Variants in RALYL observed in about 807,000 individuals in gnomAD.
RALYL encodes RNA-binding Raly-like protein.
RALYL carries 29 observed loss-of-function variants against 35.1 expected under a neutral mutation model. That is an observed-to-expected ratio of 0.83 (90% confidence interval 0.61 to 1.13). The LOEUF (loss-of-function observed/expected upper bound fraction) is 1.13, where lower values mean the gene tolerates loss of function less well. Among genes scored for constraint, RALYL ranks in the 50% most tolerant of loss-of-function variants. RALYL has a pLI of 0.00. For synonymous variants in RALYL, 120 were observed against 127.6 expected (o/e 0.94, Z 0.40); for missense variants, 359 against 360.4 (o/e 1.00, Z 0.03).
At chr8:84,633,017 G>T (rs1397852549) in intron 2 of RALYL, among the ~76,000 whole-genome samples, 1 of 151,766 alleles carries the variant, frequency 6.6e-6, no homozygotes, top group Non-Finnish European at 1.5e-5. Flanking sequence ...GCAACTAACT[G>T]CAATTGGCTG....
intron 2 of RALYL, among the ~76,000 whole-genome samples, chr8:84,702,322 C>G (rs929876218): frequency 7.9e-5 from 12 of 152,148 alleles, no homozygotes; most frequent in African/African-American, 2.9e-4. Flanking sequence ...CCACTTAATT[C>G]AGCCCTAAAT....
intron 1 of RALYL, among the ~76,000 whole-genome samples, chr8:84,493,769 A>G (rs1476374496): frequency 6.6e-6 from 1 of 151,534 alleles, no homozygotes; most frequent in Non-Finnish European, 1.5e-5. Context: ...TTTCTTGTAA[A>G]TTTGTTTAAG....
rs142307548 is a variant in RALYL at position 84,549,265 on chromosome 8, A to G, written c.256+19688A>G. Among the ~76,000 whole-genome samples the G allele has an allele frequency of 2.1e-3, 319 of 152,320 alleles. 4 individuals are homozygous for G. The highest frequency in any genetic ancestry group is 7.1e-3 in the African/African-American group (297 of 41,570). On this transcript the variant is annotated intron_variant, in intron 2 of 8. Coordinates refer to ENST00000521268, the MANE Select transcript of RALYL (RefSeq NM_173848.7). ...AAAACAACAAGCCGAAATGAAGATA[A>G]CAGTCAACCCTTTAATCACTTACTG...
chr8:84,318,417 T>A (rs1042077438), intron 1 of RALYL, among the ~76,000 whole-genome samples: 1 of 152,242 alleles, frequency 6.6e-6, no homozygotes, highest in African/African-American at 2.4e-5. Flanking sequence ...GCCATGGTAA[T>A]CTTTCACTGA....
intron 2 of RALYL, among the ~76,000 whole-genome samples, chr8:84,599,374 T>G (rs1032362931): frequency 1.3e-5 from 2 of 152,010 alleles, no homozygotes; most frequent in Non-Finnish European, 2.9e-5. Context: ...CTTAAGTATA[T>G]ATATACAATT....
At position 84,386,674 on chromosome 8, in the gene RALYL, C is replaced by T. The variant is rs141067247; in HGVS notation, c.-23-142625C>T. Among the ~76,000 whole-genome samples the T allele has an allele frequency of 4.1e-3, 628 of 151,896 alleles. 6 individuals are homozygous for T. Among genetic ancestry groups the T allele is most frequent in the African/African-American group, 0.014 (592 of 41,476 alleles). On this transcript the variant is annotated intron_variant, in intron 1 of 8. Coordinates refer to ENST00000521268, the MANE Select transcript of RALYL (RefSeq NM_173848.7). ...GACCCAAGTGCTATATATTGGTTACCACACTGGCCTGCCTCTTCCTCACTT... is the reference window on the plus strand; with the variant it reads ...GACCCAAGTGCTATATATTGGTTACTACACTGGCCTGCCTCTTCCTCACTT...
At chr8:84,572,485 C>A (rs1252220) in intron 2 of RALYL, among the ~76,000 whole-genome samples, 28,539 of 151,492 alleles carry the variant, frequency 0.19, 2,941 homozygotes, top group Non-Finnish European at 0.23. Flanking sequence ...TAGGGTTGAT[C>A]TCATAGTGAT....
At chr8:84,563,260 G>T (rs1295755319) in intron 2 of RALYL, among the ~76,000 whole-genome samples, 1 of 151,726 alleles carries the variant, frequency 6.6e-6, no homozygotes, top group Non-Finnish European at 1.5e-5. Flanking sequence ...ATAGCATCTT[G>T]GGTTGATTCT....
intron 1 of RALYL, among the ~76,000 whole-genome samples, chr8:84,514,090 T>TAAAAAAAA (rs57881021): frequency 2.0e-3 from 82 of 40,916 alleles, no homozygotes; most frequent in South Asian, 3.7e-3. Context: ...AGATTTCATC[T>TAAAAAAAA]AAAAAAAAAA....
At chr8:84,272,424 C>T (rs1834502706) in intron 1 of RALYL, among the ~76,000 whole-genome samples, 1 of 152,076 alleles carries the variant, frequency 6.6e-6, no homozygotes, top group African/African-American at 2.4e-5. Context: ...GAAAGAGAGA[C>T]ATTGAAAGGA....
chr8:84,512,382 C>G (rs1221402375), intron 1 of RALYL, among the ~76,000 whole-genome samples: 2 of 151,926 alleles, frequency 1.3e-5, no homozygotes, highest in African/African-American at 2.4e-5. Flanking sequence ...GATCCTTTCC[C>G]TTTTAATGTG....
intron 1 of RALYL, among the ~76,000 whole-genome samples, chr8:84,283,903 G>C (rs12675795): frequency 0.036 from 5,495 of 152,032 alleles, 124 homozygotes; most frequent in East Asian, 0.12. Context: ...ACATATCCTA[G>C]TGGAATTATA....
intron 2 of RALYL, among the ~76,000 whole-genome samples, chr8:84,590,812 A>G (rs1813076199): frequency 6.6e-6 from 1 of 152,186 alleles, no homozygotes; most frequent in Non-Finnish European, 1.5e-5. Context: ...ACCTGGAAGT[A>G]ATGATTATAT....
chr8:84,265,798 T>C (rs977621554), intron 1 of RALYL, among the ~76,000 whole-genome samples: 1 of 152,196 alleles, frequency 6.6e-6, no homozygotes, highest in African/African-American at 2.4e-5. Context: ...ACCTAATCGT[T>C]CCTGAATCTG....
intron 2 of RALYL, among the ~76,000 whole-genome samples, chr8:84,614,961 G>C (rs985274718): frequency 1.3e-5 from 2 of 151,506 alleles, no homozygotes. Flanking sequence ...ACCTGCCCTT[G>C]AGGAATGATG....
intron 4 of RALYL, among the ~76,000 whole-genome samples, chr8:84,809,894 A>G (rs1325789866): frequency 6.6e-6 from 1 of 151,984 alleles, no homozygotes; most frequent in Non-Finnish European, 1.5e-5. Context: ...TAATTTTGCT[A>G]ATGGTCTATC....
intron 1 of RALYL, among the ~76,000 whole-genome samples, chr8:84,400,564 G>T (rs901584720): frequency 6.6e-6 from 1 of 152,188 alleles, no homozygotes; most frequent in Non-Finnish European, 1.5e-5. Flanking sequence ...ATGAATATGA[G>T]AGTGATGGTG....
chr8:84,289,048 A>G (rs1838240155), intron 1 of RALYL, among the ~76,000 whole-genome samples: 1 of 152,134 alleles, frequency 6.6e-6, no homozygotes, highest in African/African-American at 2.4e-5. Context: ...ACCAGAGGCC[A>G]TCAGTGTTTG....
chr8:84,293,396 T>C (rs1839141904), intron 1 of RALYL, among the ~76,000 whole-genome samples: 1 of 152,234 alleles, frequency 6.6e-6, no homozygotes, highest in Non-Finnish European at 1.5e-5. Flanking sequence ...AAATTCATGT[T>C]GGTTTCCATC....
Sources: allele counts gnomAD v4.1 joint callset (sites outside exome capture counted in the v4.1 genomes callset), GRCh38; gene constraint gnomAD v4.1.1; transcripts MANE v1.5; gene names NCBI Gene and HGNC (gene_info 2026-07-23, HGNC 2026-07-21).